Variants in DLG3 observed in about 807,000 individuals in gnomAD.
DLG3 encodes the protein disks large homolog 3.
Under a neutral mutation model 64.1 loss-of-function variants are expected in DLG3, and 1 was observed. That is an observed-to-expected ratio of 0.02 (90% confidence interval 0.01 to 0.07). The LOEUF (loss-of-function observed/expected upper bound fraction) is 0.07, where lower values mean the gene tolerates loss of function less well. DLG3 is among the 10% of genes least tolerant of loss of function. The probability of loss-of-function intolerance (pLI) is 1.00; values close to 1 mark genes in which losing one functional copy is unlikely to be tolerated. For missense variants in DLG3, 429 were observed against 669.5 expected (o/e 0.64, Z 3.96); for synonymous variants, 245 against 259.8 (o/e 0.94, Z 0.55).
Position 70,502,614 on chromosome X carries a change from A to G in DLG3, c.*345A>G, listed in dbSNP as rs1000641307. 4.5e-6 allele frequency: 1 copy of G among 222,571 alleles called. No homozygotes were observed. The highest frequency in any genetic ancestry group is 3.0e-5 in the African/African-American group (1 of 32,868). 18.3% of individuals were successfully genotyped at this position (222,571 alleles called of 1,213,427 possible). Reference sequence around the variant, plus strand: ...AGAGAAAAGAGGAGGACTGATGGAAAGACAGACTCTGGACAGCTGCACGGC... The same window carrying G: ...AGAGAAAAGAGGAGGACTGATGGAAGGACAGACTCTGGACAGCTGCACGGC... On this transcript the variant is annotated 3_prime_UTR_variant, in exon 19 of 19. Transcript: ENST00000374360.
chrX:70,489,849 C>T (rs1460706202), intron 10 of DLG3, among the ~76,000 whole-genome samples: 1 of 110,808 alleles, frequency 9.0e-6, no homozygotes, highest in Non-Finnish European at 1.9e-5. Context: ...TCCCCTAATT[C>T]ATTTTATTTT....
rs766716994 is a variant in DLG3 at position 70,454,332 on chromosome X, G to A, written c.1405+16G>A. On this transcript the variant is annotated intron_variant, in intron 9 of 18. Transcript: ENST00000374360. ...AGACCTGAAGGTAGGAGAAGGGAAG[G>A]TGGGAAGAGATGATGTGGGGGAGTT... 11 of 1,183,234 alleles carry A rather than the reference G, an allele frequency of 9.3e-6. No homozygotes were observed. The highest frequency in any genetic ancestry group is 1.3e-5 in the Non-Finnish European group (11 of 871,286).
chrX:70,472,389 C>T (rs1392935748), intron 9 of DLG3, among the ~76,000 whole-genome samples: 1 of 110,811 alleles, frequency 9.0e-6, no homozygotes, highest in African/African-American at 3.3e-5. Flanking sequence ...CCCGTCTCTA[C>T]TAAAAATACA....
At chrX:70,474,778 T>G (rs370654992) in intron 9 of DLG3, among the ~76,000 whole-genome samples, 3 of 111,764 alleles carry the variant, frequency 2.7e-5, no homozygotes, top group African/African-American at 9.8e-5. Context: ...AATAAAATCT[T>G]TACTTTTGCA....
At chrX:70,468,219 G>A (rs2086915386) in intron 9 of DLG3, among the ~76,000 whole-genome samples, 1 of 111,188 alleles carries the variant, frequency 9.0e-6, no homozygotes, top group African/African-American at 3.3e-5. Context: ...ACAGGTGCCC[G>A]CCACCATGCC....
At chrX:70,497,248 C>T (rs779006070) in intron 13 of DLG3, 67 of 1,192,114 alleles carry the variant, frequency 5.6e-5, no homozygotes, top group Non-Finnish European at 7.5e-5. Context: ...CCTTCCATGT[C>T]GTGTAGCTCC....
chrX:70,452,634 C>G (rs772761894), intron 7 of DLG3: 24 of 1,187,939 alleles, frequency 2.0e-5, no homozygotes, highest in Non-Finnish European at 2.7e-5. Context: ...GGAGAGGGCC[C>G]GCAAGTTCTC....
intron 10 of DLG3, among the ~76,000 whole-genome samples, chrX:70,488,575 G>T (rs2087299413): frequency 8.9e-6 from 1 of 111,937 alleles, no homozygotes; most frequent in South Asian, 3.7e-4. Flanking sequence ...GACAAAGGAA[G>T]GGATTGTTGA....
chrX:70,487,885 A>C (rs2087284059), intron 10 of DLG3, among the ~76,000 whole-genome samples: 1 of 110,924 alleles, frequency 9.0e-6, no homozygotes, highest in African/African-American at 3.3e-5. Context: ...TCCCAACCTC[A>C]GGTGATCCGC....
Position 70,498,599 on chromosome X carries a change from G to C in DLG3, c.1870+29G>C, listed in dbSNP as rs6625617. The stretch of plus-strand genomic sequence containing the variant: ...AGCCTCCTCTGAGAGCCTTGTCTTC[G>C]TGCTGGTCTCCTGGTCGTGGGGCTC... On this transcript the variant is annotated intron_variant, in intron 14 of 18. Coordinates refer to ENST00000374360, the MANE Select transcript of DLG3 (RefSeq NM_021120.4). The C allele has an allele frequency of 1.7e-5, 20 of 1,180,439 alleles. No homozygotes were observed. In the Admixed American group the frequency reaches 4.3e-4, roughly 26 times the overall value.
intron 1 of DLG3, chrX:70,448,606 C>A (rs1301960913): frequency 1.7e-6 from 2 of 1,163,334 alleles, no homozygotes; most frequent in African/African-American, 3.6e-5. Context: ...TCCTAGTGAA[C>A]CCTGAGACAC....
chrX:70,470,054 G>A (rs912652180), intron 9 of DLG3, among the ~76,000 whole-genome samples: 2 of 111,858 alleles, frequency 1.8e-5, no homozygotes, highest in Non-Finnish European at 3.8e-5. Context: ...ACTAAAACAC[G>A]AGCCATTATT....
Position 70,445,278 on chromosome X carries a change from A to G in DLG3, c.77A>G (p.Glu26Gly), listed in dbSNP as rs1166810693. The change falls in exon 1 of 19, where the codon GAG (glutamate) becomes GGG (glycine). Residue 26 changes from glutamate to glycine, a missense_variant. This residue lies in a region of DLG3 where 123 missense variants were observed against 113.3 expected (regional missense o/e 1.09). Coordinates refer to ENST00000374360, the MANE Select transcript of DLG3 (RefSeq NM_021120.4). ...VTRLAALRRL[E>G]PPGYGDWQVP... Reference sequence around the variant, plus strand: ...CGCCTGGCCGCCCTGCGGCGCCTCGAGCCTCCGGGCTACGGCGACTGGCAA... The same window carrying G: ...CGCCTGGCCGCCCTGCGGCGCCTCGGGCCTCCGGGCTACGGCGACTGGCAA... The G allele has an allele frequency of 2.6e-6, 3 of 1,164,841 alleles. No individual in the cohort carries two copies. Among genetic ancestry groups the G allele is most frequent in the Non-Finnish European group, 2.3e-6 (2 of 873,181 alleles).
chrX:70,445,027 G>A lies in DLG3; in HGVS notation c.-175G>A, dbSNP rs1474940628. ...TGGGGGCCGAGGCCCCGGGACGCCC[G>A]CCCGGCCCCAGGCCCCGCTCAGCCC... On this transcript the variant is annotated 5_prime_UTR_variant, in exon 1 of 19. Transcript: ENST00000374360. 3 of 288,464 alleles carry A rather than the reference G, an allele frequency of 1.0e-5. No individual in the cohort carries two copies. Among genetic ancestry groups the A allele is most frequent in the African/African-American group, 2.8e-5 (1 of 35,281 alleles). 23.8% of individuals were successfully genotyped at this position (288,464 alleles called of 1,213,427 possible). A position where few individuals can be genotyped will look rare whatever the true frequency, so the allele number is the denominator to read the frequency against.
chrX:70,475,443 C>T (rs770099261), intron 9 of DLG3, among the ~76,000 whole-genome samples: 3 of 111,087 alleles, frequency 2.7e-5, no homozygotes, highest in Admixed American at 9.6e-5. Context: ...CTGCAACCCT[C>T]GCCTCCCAGG....
At chrX:70,487,658 A>C (rs191369379) in intron 10 of DLG3, among the ~76,000 whole-genome samples, 205 of 112,134 alleles carry the variant, frequency 1.8e-3, no homozygotes, top group Non-Finnish European at 3.3e-3. Context: ...AAGACTAAGT[A>C]GTTTTTCTTT....
At chrX:70,501,076 T>C (rs2087549618) in intron 18 of DLG3, 87 bp downstream of exon 18, 6 of 734,082 alleles carry the variant, frequency 8.2e-6, no homozygotes, top group Non-Finnish European at 1.2e-5. Flanking sequence ...GTAGACAGAA[T>C]GTAGAAACCT....
intron 18 of DLG3, 129 bp from the exon 19 acceptor site, chrX:70,502,034 C>G: frequency 1.9e-6 from 1 of 530,872 alleles, no homozygotes; most frequent in Non-Finnish European, 3.3e-6. Flanking sequence ...CTCCTGGGAA[C>G]ATGTCCTTCA....
intron 9 of DLG3, among the ~76,000 whole-genome samples, chrX:70,468,213 G>A (rs1479333139): frequency 3.6e-5 from 4 of 111,443 alleles, no homozygotes; most frequent in African/African-American, 1.3e-4. Context: ...GGGATTACAG[G>A]TGCCCGCCAC....
Sources: gnomAD v4.1 joint callset for allele counts (sites outside exome capture counted in the v4.1 genomes callset) on GRCh38, gnomAD v4.1.1 for gene constraint, gnomAD v4.1.1 regional missense constraint, MANE v1.5 for transcripts, NCBI Gene and HGNC (gene_info 2026-07-23, HGNC 2026-07-21) for gene names.